AQP11: variants seen among roughly 807,000 people sequenced by gnomAD.
AQP11 encodes the protein aquaporin 11.
Under a neutral mutation model 21.1 loss-of-function variants are expected in AQP11, and 20 were observed. The ratio of observed to expected loss-of-function variants is 0.95; its 90% CI spans 0.67 to 1.38. The LOEUF is 1.38. Among genes scored for constraint, AQP11 ranks in the 40% most tolerant of loss-of-function variants. AQP11 has a pLI of 0.00. For synonymous variants in AQP11, 167 were observed against 150.1 expected (o/e 1.11, Z -0.82); for missense variants, 339 against 340.4 (o/e 1.00, Z 0.03).
chr11:77,597,539 T>A (rs539900600), intron 1 of AQP11, among the ~76,000 whole-genome samples: 12 of 151,944 alleles, frequency 7.9e-5, no homozygotes, highest in Non-Finnish European at 1.5e-4. Flanking sequence ...ACCACTGCAC[T>A]CCAGCCTGGA....
At chr11:77,603,138 C>A (rs1164588059) in intron 1 of AQP11, among the ~76,000 whole-genome samples, 1 of 152,182 alleles carries the variant, frequency 6.6e-6, no homozygotes, top group African/African-American at 2.4e-5. Context: ...TTTACCTTTT[C>A]AATACAAAGT....
At chr11:77,598,634 C>G (rs924555023) in intron 1 of AQP11, among the ~76,000 whole-genome samples, 1 of 152,196 alleles carries the variant, frequency 6.6e-6, no homozygotes, top group Non-Finnish European at 1.5e-5. Context: ...TCCTTTCCTT[C>G]CCTGTCTACT....
At chr11:77,596,560 A>ATATATATATG (rs1554976434) in intron 1 of AQP11, among the ~76,000 whole-genome samples, 4 of 133,092 alleles carry the variant, frequency 3.0e-5, no homozygotes, top group South Asian at 2.3e-4. Flanking sequence ...ATATATATAT[A>ATATATATATG]TATGTATGTA....
In AQP11 at chr11:77,604,338, G is replaced by C. The variant is rs530754987; in HGVS notation, c.736+666G>C. 2.6e-5 allele frequency among the ~76,000 whole-genome samples: 4 copies of C among 152,136 alleles called. No homozygotes were observed. The East Asian group carries it at 5.8e-4, about 22-fold the overall frequency. On this transcript the variant is annotated intron_variant, in intron 2 of 2. Coordinates refer to ENST00000313578, the MANE Select transcript of AQP11 (RefSeq NM_173039.3). ...GCTATGTTGCTCAGGCTACATTCCA[G>C]TTACTTCTATTTAGATCAGATATAT...
At chr11:77,606,337 G>A (rs1262452558) in intron 2 of AQP11, among the ~76,000 whole-genome samples, 2 of 152,074 alleles carry the variant, frequency 1.3e-5, no homozygotes, top group African/African-American at 2.4e-5. Flanking sequence ...AAAGCCTCAC[G>A]ATAGATAAAA....
Position 77,609,444 on chromosome 11 carries a change from CAT to C in AQP11, c.*70_*71del. 1.4e-5 allele frequency: 18 copies of C among 1,295,314 alleles called. No homozygotes were observed. Among genetic ancestry groups the C allele is most frequent in the Non-Finnish European group, 1.9e-5 (18 of 930,272 alleles). 80.2% of individuals were successfully genotyped at this position (1,295,314 alleles called of 1,614,324 possible). ...GGATGTGATAAAGATTTTATCACCT[CAT>C]ATGGAAAACACCGGCTGCACTGGAT... On this transcript the variant is annotated 3_prime_UTR_variant, in exon 3 of 3. Coordinates refer to ENST00000313578, the MANE Select transcript of AQP11 (RefSeq NM_173039.3).
chr11:77,608,485 C>A (rs527323438), intron 2 of AQP11, among the ~76,000 whole-genome samples: 2 of 152,010 alleles, frequency 1.3e-5, no homozygotes, highest in Non-Finnish European at 2.9e-5. Context: ...TGGTGGCGGG[C>A]GCCTGTAATC....
intron 1 of AQP11, among the ~76,000 whole-genome samples, chr11:77,596,376 G>A (rs1434039243): frequency 6.7e-6 from 1 of 150,302 alleles, no homozygotes; most frequent in Non-Finnish European, 1.5e-5. Flanking sequence ...GGGAGGCGGA[G>A]GTTGCAGCGA....
intron 2 of AQP11, among the ~76,000 whole-genome samples, chr11:77,604,666 T>C (rs1958833809): frequency 6.6e-6 from 1 of 152,188 alleles, no homozygotes; most frequent in Non-Finnish European, 1.5e-5. Flanking sequence ...CAGGTTTGAA[T>C]AGTCAATCAC....
chr11:77,592,329 G>C (rs1565116293), intron 1 of AQP11, among the ~76,000 whole-genome samples: 1 of 152,046 alleles, frequency 6.6e-6, no homozygotes, highest in Non-Finnish European at 1.5e-5. Flanking sequence ...TGAGGGATTG[G>C]TGGGTAGTTG....
intron 2 of AQP11, among the ~76,000 whole-genome samples, chr11:77,604,661 T>G (rs73500750): frequency 1.3e-5 from 2 of 152,190 alleles, no homozygotes; most frequent in Non-Finnish European, 2.9e-5. Context: ...CATAACAGGT[T>G]TGAATAGTCA....
At chr11:77,602,439 T>C (rs950471851) in intron 1 of AQP11, among the ~76,000 whole-genome samples, 1 of 152,338 alleles carries the variant, frequency 6.6e-6, no homozygotes, top group African/African-American at 2.4e-5. Flanking sequence ...GACAATTCTG[T>C]TCACCCTTAG....
At chr11:77,605,176 G>C (rs1284458886) in intron 2 of AQP11, among the ~76,000 whole-genome samples, 1 of 152,184 alleles carries the variant, frequency 6.6e-6, no homozygotes, top group East Asian at 1.9e-4. Context: ...TTGGGCGACA[G>C]AGCGAGACTC....
intron 1 of AQP11, chr11:77,591,362 A>C (rs1194795305): frequency 1.1e-6 from 1 of 951,248 alleles, no homozygotes; most frequent in African/African-American, 1.8e-5. Flanking sequence ...AATCCAAAAC[A>C]CAAGTATTTA....
At chr11:77,601,430 CCTCAACCTCTGCAGG>C (rs1486755030) in intron 1 of AQP11, among the ~76,000 whole-genome samples, 1 of 151,154 alleles carries the variant, frequency 6.6e-6, no homozygotes, top group African/African-American at 2.4e-5. Context: ...CTCACTGCAG[CCTCAACCTCTGCAGG>C]CTCAGTTTAT....
rs200870763 is a variant in AQP11 at position 77,609,373 on chromosome 11, A to G, written c.812A>G (p.Glu271Gly). The change falls in exon 3 of 3, where the codon GAA (glutamate) becomes GGA (glycine). Residue 271 changes from glutamate to glycine, a missense_variant. By Grantham distance (98) the Glu-to-Gly change is moderately conservative (BLOSUM62 -2). Coordinates refer to ENST00000313578, the MANE Select transcript of AQP11 (RefSeq NM_173039.3). ...AACAACCATACAATTAATAAAAAGGAATAACTGTTCCAAAGACTCAGACTA... is the reference window on the plus strand; with the variant it reads ...AACAACCATACAATTAATAAAAAGGGATAACTGTTCCAAAGACTCAGACTA... ...LHNNHTINKKE is the reference protein window; with the variant it reads ...LHNNHTINKKG 2 of 1,611,142 alleles carry G rather than the reference A, an allele frequency of 1.2e-6. No homozygotes were observed. The highest frequency in any genetic ancestry group is 2.2e-5 in the East Asian group (1 of 44,790).
intron 1 of AQP11, among the ~76,000 whole-genome samples, chr11:77,600,198 A>C (rs1022361095): frequency 2.7e-5 from 4 of 148,674 alleles, no homozygotes; most frequent in African/African-American, 7.5e-5. Context: ...CGAACTCCTG[A>C]GCTCAGGCGA....
intron 1 of AQP11, among the ~76,000 whole-genome samples, chr11:77,596,423 A>G (rs1958779199): frequency 7.0e-6 from 1 of 142,832 alleles, no homozygotes; most frequent in Admixed American, 7.3e-5. Context: ...CCTGGGCAAC[A>G]GAGCGAGACT....
intron 1 of AQP11, among the ~76,000 whole-genome samples, chr11:77,601,344 C>CTT (rs36104720): frequency 2.7e-3 from 354 of 129,334 alleles, no homozygotes; most frequent in Non-Finnish European, 3.6e-3. Flanking sequence ...CCATTCAAAA[C>CTT]TTTTTTTTTT....
Sources: gnomAD v4.1 joint callset for allele counts (sites outside exome capture counted in the v4.1 genomes callset) on GRCh38, gnomAD v4.1.1 for gene constraint, MANE v1.5 for transcripts, NCBI Gene and HGNC (gene_info 2026-07-23, HGNC 2026-07-21) for gene names.